Variants in RBL2 observed in about 807,000 individuals in gnomAD.
RBL2 encodes retinoblastoma-like protein 2.
RBL2 carries 56 observed loss-of-function variants against 126.0 expected under a neutral mutation model. The observed-to-expected ratio is 0.44, with a 90% CI of 0.36 to 0.56. RBL2 has a LOEUF of 0.56. RBL2 is among the 20% of genes least tolerant of loss of function. RBL2 has a pLI of 0.00. For missense variants in RBL2, 1,229 were observed against 1,398.2 expected (o/e 0.88, Z 1.93); for synonymous variants, 454 against 478.5 (o/e 0.95, Z 0.67).
intron 21 of RBL2, among the ~76,000 whole-genome samples, chr16:53,485,916 G>T (rs1961153249): frequency 6.6e-6 from 1 of 151,974 alleles, no homozygotes; most frequent in African/African-American, 2.4e-5. Flanking sequence ...TTTAAAAATT[G>T]ATTCCTCTAT....
intron 12 of RBL2, 160 bp downstream of exon 12, chr16:53,464,523 C>A: frequency 5.0e-6 from 3 of 595,380 alleles, no homozygotes; most frequent in Non-Finnish European, 7.9e-6. Flanking sequence ...AATCTTAAGA[C>A]CTATGTAAAT....
rs762231162 is a variant in RBL2 at position 53,481,768 on chromosome 16, A to G, written c.3182A>G (p.His1061Arg). 1.9e-6 allele frequency: 3 copies of G among 1,595,148 alleles called. No homozygotes were observed. Among genetic ancestry groups the G allele is most frequent in the Admixed American group, 3.3e-5 (2 of 59,976 alleles). ...AATCATCCTGTCTACATTTCCCCAC[A>G]TAAAAATGAAACAATGCTTTCTCCT... The part of the protein sequence containing the change: ...SQNHPVYISP[H>R]KNETMLSPRE... Residue 1061 changes from histidine to arginine, a missense_variant, in exon 21 of 22, where the codon CAT becomes CGT. Around this residue, in one of 2 missense-constraint regions of RBL2, gnomAD observed 1,070 missense variants for 1,274.3 expected, o/e 0.84. Transcript: ENST00000262133.
chr16:53,463,244 A>G (rs1316707008), intron 11 of RBL2, among the ~76,000 whole-genome samples: 1 of 152,234 alleles, frequency 6.6e-6, no homozygotes, highest in Non-Finnish European at 1.5e-5. Context: ...AAAATCATCT[A>G]TGATTAATGT....
intron 18 of RBL2, chr16:53,479,437 G>A: frequency 1.8e-6 from 1 of 547,112 alleles, no homozygotes; most frequent in Non-Finnish European, 3.2e-6. Flanking sequence ...ATATTTGATT[G>A]CCTTCTTAAT....
chr16:53,485,463 A>G (rs1961126978), intron 21 of RBL2, among the ~76,000 whole-genome samples: 1 of 152,254 alleles, frequency 6.6e-6, no homozygotes, highest in Non-Finnish European at 1.5e-5. Flanking sequence ...GTCTCAAATT[A>G]GTGACCTAAG....
At chr16:53,438,541 CATT>C (rs2057981091) in intron 1 of RBL2, among the ~76,000 whole-genome samples, 1 of 152,014 alleles carries the variant, frequency 6.6e-6, no homozygotes, top group Admixed American at 6.6e-5. Flanking sequence ...GTTAATGTCA[CATT>C]ATAAGAAGAG....
At chr16:53,483,135 T>G (rs1598132619) in intron 21 of RBL2, among the ~76,000 whole-genome samples, 1 of 152,200 alleles carries the variant, frequency 6.6e-6, no homozygotes, top group Non-Finnish European at 1.5e-5. Flanking sequence ...CAGCTTACTT[T>G]CAAACGGGTT....
At position 53,480,422 on chromosome 16, in the gene RBL2, G is replaced by A. The variant is rs1323850907; in HGVS notation, c.2882-145G>A. 4.3e-6 allele frequency: 3 copies of A among 694,036 alleles called. No homozygotes were observed. In the African/African-American group the frequency reaches 5.4e-5, roughly 12 times the overall value. The allele number at this position is 694,036 out of a possible 1,614,324, so 43.0% of individuals were successfully genotyped here. ...AAAGTTAATATCCTAGCTGAGCTTT[G>A]CTTTTTGGTGTGAAGAACAGAGTGC... On this transcript the variant is annotated intron_variant, in intron 19 of 21. Transcript: ENST00000262133.
intron 21 of RBL2, among the ~76,000 whole-genome samples, chr16:53,486,453 T>G (rs186949703): frequency 6.6e-6 from 1 of 152,198 alleles, no homozygotes; most frequent in Non-Finnish European, 1.5e-5. Flanking sequence ...CAGAGAAAAC[T>G]GTAGGCCCAG....
chr16:53,487,156 C>G (rs987688306), intron 21 of RBL2, among the ~76,000 whole-genome samples: 1 of 152,060 alleles, frequency 6.6e-6, no homozygotes, highest in Non-Finnish European at 1.5e-5. Flanking sequence ...AATTTCAAAC[C>G]AATTTCAGTC....
intron 17 of RBL2, among the ~76,000 whole-genome samples, chr16:53,471,951 C>T (rs1397194043): frequency 6.6e-6 from 1 of 152,168 alleles, no homozygotes; most frequent in Non-Finnish European, 1.5e-5. Context: ...ACCTGGCAAC[C>T]AGCAGTTGGC....
At chr16:53,474,646 G>T (rs565274750) in intron 17 of RBL2, among the ~76,000 whole-genome samples, 2 of 152,274 alleles carry the variant, frequency 1.3e-5, no homozygotes, top group Non-Finnish European at 2.9e-5. Context: ...GCTAGGTTTG[G>T]TTTGCCAACA....
chr16:53,479,293 C>A, intron 18 of RBL2, 68 bp downstream of exon 18: 1 of 1,406,980 alleles, frequency 7.1e-7, no homozygotes, highest in Non-Finnish European at 1.0e-6. Flanking sequence ...AAAAATTAAC[C>A]ATAGTTGACT....
chr16:53,484,365 T>G (rs1961076338), intron 21 of RBL2, among the ~76,000 whole-genome samples: 1 of 152,198 alleles, frequency 6.6e-6, no homozygotes, highest in Non-Finnish European at 1.5e-5. Flanking sequence ...AGCATTTAAA[T>G]GTAAATGGTC....
At chr16:53,460,156 CATT>C (rs1207659009) in intron 9 of RBL2, among the ~76,000 whole-genome samples, 1 of 152,138 alleles carries the variant, frequency 6.6e-6, no homozygotes, top group Non-Finnish European at 1.5e-5. Context: ...GTAGGAATAT[CATT>C]GAGTTTTAAT....
chr16:53,446,418 T>A (rs1167356502), intron 3 of RBL2, among the ~76,000 whole-genome samples: 1 of 152,178 alleles, frequency 6.6e-6, no homozygotes, highest in Admixed American at 6.5e-5. Context: ...GGCACCTTGT[T>A]AGAATAAGGC....
chr16:53,481,610 T>C (rs1158515775), intron 20 of RBL2, 61 bp from the exon 21 acceptor site: 2 of 1,381,640 alleles, frequency 1.4e-6, no homozygotes, highest in Non-Finnish European at 1.9e-6. Flanking sequence ...CAATAATCAT[T>C]TTCAGTAAAA....
At position 53,459,352 on chromosome 16, in the gene RBL2, T is replaced by C. The variant is rs1424344874; in HGVS notation, c.1180-99T>C. On this transcript the variant is annotated intron_variant, in intron 8 of 21. Coordinates refer to ENST00000262133, the MANE Select transcript of RBL2 (RefSeq NM_005611.4). The stretch of plus-strand genomic sequence containing the variant: ...ATTGTAAAGATAAAGTCTTACTGGC[T>C]TGAAGTCCCATTTGTGAAGTGAATT... 4.3e-6 allele frequency: 4 copies of C among 936,342 alleles called. 1 individual carries two copies. In the South Asian group the frequency reaches 4.7e-5, roughly 11 times the overall value. The allele number at this position is 936,342 out of a possible 1,614,324, so 58.0% of individuals were successfully genotyped here.
At chr16:53,438,019 T>TC (rs1288490208) in intron 1 of RBL2, among the ~76,000 whole-genome samples, 8 of 151,708 alleles carry the variant, frequency 5.3e-5, no homozygotes, top group Admixed American at 2.6e-4. Flanking sequence ...ACAGTGAGAC[T>TC]CCATCTCAAA....
Sources: gnomAD v4.1 joint callset for allele counts (sites outside exome capture counted in the v4.1 genomes callset) on GRCh38, gnomAD v4.1.1 for gene constraint, gnomAD v4.1.1 regional missense constraint, MANE v1.5 for transcripts, NCBI Gene and HGNC (gene_info 2026-07-23, HGNC 2026-07-21) for gene names.